The following STK32B variants were observed in gnomAD, a reference collection of about 807,000 sequenced individuals.
STK32B encodes serine/threonine-protein kinase 32B.
Under a neutral mutation model 52.6 loss-of-function variants are expected in STK32B, and 43 were observed. The ratio of observed to expected loss-of-function variants is 0.82; its 90% CI spans 0.64 to 1.05. The LOEUF (loss-of-function observed/expected upper bound fraction) is 1.05, where lower values mean the gene tolerates loss of function less well. STK32B is among the 50% of genes least tolerant of loss of function. The pLI is 0.00. For synonymous variants in STK32B, 238 were observed against 204.3 expected (o/e 1.17, Z -1.41); for missense variants, 621 against 534.6 (o/e 1.16, Z -1.59).
intron 4 of STK32B, among the ~76,000 whole-genome samples, chr4:5,377,981 G>A (rs1735690481): frequency 6.6e-6 from 1 of 152,030 alleles, no homozygotes; most frequent in Non-Finnish European, 1.5e-5. Context: ...GGTTAGACTG[G>A]GTGCCCACCA....
chr4:5,154,263 T>C (rs986393494), intron 2 of STK32B, among the ~76,000 whole-genome samples: 9 of 149,492 alleles, frequency 6.0e-5, no homozygotes, highest in African/African-American at 2.2e-4. Context: ...TTGCCCAGGC[T>C]GGAGTGCAAT....
intron 1 of STK32B, among the ~76,000 whole-genome samples, chr4:5,134,968 A>T (rs182163044): frequency 6.6e-6 from 1 of 152,260 alleles, no homozygotes; most frequent in African/African-American, 2.4e-5. Context: ...TATGAAATTC[A>T]TTAGAAATAA....
At chr4:5,080,285 A>G (rs1010378252) in intron 1 of STK32B, among the ~76,000 whole-genome samples, 2 of 152,118 alleles carry the variant, frequency 1.3e-5, no homozygotes, top group Admixed American at 6.6e-5. Context: ...TCTTGTGTAT[A>G]CCAAGGCCAT....
At chr4:5,200,731 A>G (rs939393762) in intron 3 of STK32B, among the ~76,000 whole-genome samples, 1 of 152,190 alleles carries the variant, frequency 6.6e-6, no homozygotes, top group African/African-American at 2.4e-5. Context: ...GAGACAGGAA[A>G]AGTCATGGCA....
At chr4:5,289,857 CT>C (rs1382808072) in intron 3 of STK32B, among the ~76,000 whole-genome samples, 1 of 151,722 alleles carries the variant, frequency 6.6e-6, no homozygotes, top group African/African-American at 2.4e-5. Flanking sequence ...ATTTTATTCT[CT>C]TTTTAGAGCT....
chr4:5,040,969 C>G, the STK32B span, among the ~76,000 whole-genome samples: 1 of 152,200 alleles, frequency 6.6e-6, no homozygotes, highest in African/African-American at 2.4e-5. Context: ...GTAGTCTCAT[C>G]TCATGGGGCC....
chr4:5,327,273 T>C (rs1420509012), intron 3 of STK32B, among the ~76,000 whole-genome samples: 1 of 151,074 alleles, frequency 6.6e-6, no homozygotes, highest in Non-Finnish European at 1.5e-5. Context: ...ATGTTAGTAC[T>C]TTGACCTTTT....
At chr4:5,254,236 A>G (rs112009913) in intron 3 of STK32B, among the ~76,000 whole-genome samples, 59 of 152,204 alleles carry the variant, frequency 3.9e-4, no homozygotes, top group African/African-American at 1.3e-3. Flanking sequence ...TAGGCTCTGT[A>G]ATGTCCCCTT....
At chr4:5,196,856 C>T (rs923678343) in intron 3 of STK32B, among the ~76,000 whole-genome samples, 5 of 152,124 alleles carry the variant, frequency 3.3e-5, no homozygotes, top group Non-Finnish European at 4.4e-5. Context: ...TAGGTGAGCA[C>T]AGCACTCCAC....
At chr4:5,131,288 A>G (rs1416595158) in intron 1 of STK32B, among the ~76,000 whole-genome samples, 2 of 152,138 alleles carry the variant, frequency 1.3e-5, no homozygotes, top group Admixed American at 6.5e-5. Context: ...CTTTTCAATC[A>G]GCTTTCGTCA....
At chr4:5,352,951 C>G (rs1322539214) in intron 4 of STK32B, among the ~76,000 whole-genome samples, 1 of 151,984 alleles carries the variant, frequency 6.6e-6, no homozygotes, top group African/African-American at 2.4e-5. Flanking sequence ...AAATAGCCAA[C>G]GCAATCCTAA....
At chr4:5,472,744 A>G (rs759170744) in intron 11 of STK32B, among the ~76,000 whole-genome samples, 4 of 152,232 alleles carry the variant, frequency 2.6e-5, no homozygotes, top group Non-Finnish European at 4.4e-5. Context: ...ATCACATTTA[A>G]AAAATCTACT....
chr4:5,135,466 G>A (rs1444709176), intron 1 of STK32B, among the ~76,000 whole-genome samples: 4 of 152,178 alleles, frequency 2.6e-5, no homozygotes, highest in Non-Finnish European at 5.9e-5. Flanking sequence ...AAAATAGTTA[G>A]CATTTACTAA....
At position 5,467,322 on chromosome 4, in the gene STK32B, G is replaced by A. The variant is rs932211592; in HGVS notation, c.1041+488G>A. 2.0e-5 allele frequency among the ~76,000 whole-genome samples: 3 copies of A among 152,180 alleles called. No individual in the cohort carries two copies. Among genetic ancestry groups the A allele is most frequent in the Non-Finnish European group, 2.9e-5 (2 of 68,022 alleles). On this transcript the variant is annotated intron_variant, in intron 10 of 11. Coordinates refer to ENST00000282908, the MANE Select transcript of STK32B (RefSeq NM_018401.3). The surrounding 1 kb of genome is among the most constrained non-coding windows in gnomAD (Gnocchi z 5.8). ...GCCCAGCTCTCTCCAAAGGCTATAG[G>A]GGAGGGGCCGTCCTTGGCTCCCCAG... is the stretch of plus-strand genomic sequence containing the variant.
At chr4:5,147,440 G>A (rs986872794) in intron 2 of STK32B, among the ~76,000 whole-genome samples, 1 of 151,994 alleles carries the variant, frequency 6.6e-6, no homozygotes, top group Non-Finnish European at 1.5e-5. Context: ...TATTGCAGTA[G>A]CTAAAACCCT....
At chr4:5,384,463 C>G (rs2088585592) in intron 4 of STK32B, among the ~76,000 whole-genome samples, 1 of 151,740 alleles carries the variant, frequency 6.6e-6, no homozygotes, top group African/African-American at 2.4e-5. Context: ...AATGAATGAA[C>G]AAGGAGGATA....
intron 9 of STK32B, among the ~76,000 whole-genome samples, chr4:5,466,213 A>T (rs769337684): frequency 3.3e-5 from 5 of 152,132 alleles, no homozygotes; most frequent in Non-Finnish European, 5.9e-5. Context: ...GAGCAGGGCC[A>T]GGCCGGAGGG....
chr4:5,046,128 A>C, the STK32B span, among the ~76,000 whole-genome samples: 1 of 152,254 alleles, frequency 6.6e-6, no homozygotes, highest in Non-Finnish European at 1.5e-5. Context: ...ACAAGGCTAC[A>C]GTAACCAAAA....
At chr4:5,180,204 A>G (rs1040603101) in intron 3 of STK32B, among the ~76,000 whole-genome samples, 1 of 152,218 alleles carries the variant, frequency 6.6e-6, no homozygotes, top group African/African-American at 2.4e-5. Context: ...GGCCCCAAGC[A>G]GTTTGCTATC....
Sources: gnomAD v4.1 joint callset for allele counts (sites outside exome capture counted in the v4.1 genomes callset) on GRCh38, gnomAD v4.1.1 for gene constraint, Gnocchi (gnomAD v3.1) non-coding constraint, MANE v1.5 for transcripts, NCBI Gene and HGNC (gene_info 2026-07-23, HGNC 2026-07-21) for gene names.